Variants in COL4A2 observed in about 807,000 individuals in gnomAD.
COL4A2 encodes the protein collagen alpha-2(IV) chain.
A neutral mutation model predicts 200.2 loss-of-function variants in COL4A2; 99 were observed. That is an observed-to-expected ratio of 0.49 (90% CI 0.42 to 0.58). The LOEUF (loss-of-function observed/expected upper bound fraction) is 0.58, where lower values mean the gene tolerates loss of function less well. COL4A2 is among the 20% of genes least tolerant of loss of function. The probability of loss-of-function intolerance (pLI) is 0.00; values close to 1 mark genes in which losing one functional copy is unlikely to be tolerated. For missense variants in COL4A2, 1,950 were observed against 2,314.1 expected (o/e 0.84, Z 3.23); for synonymous variants, 897 against 900.6 (o/e 1.00, Z 0.07).
intron 3 of COL4A2, among the ~76,000 whole-genome samples, chr13:110,335,202 G>A (rs371875516): frequency 3.9e-5 from 6 of 152,154 alleles, no homozygotes; most frequent in Admixed American, 1.3e-4. Flanking sequence ...GCCTGCAACC[G>A]TGTCTCCAAC....
intron 3 of COL4A2, among the ~76,000 whole-genome samples, chr13:110,310,176 G>T (rs906748700): frequency 6.6e-6 from 1 of 152,164 alleles, no homozygotes; most frequent in South Asian, 2.1e-4. Context: ...CTCACCCCCA[G>T]TCTCTTTGAC....
At chr13:110,378,852 A>G (rs1878349361) in intron 4 of COL4A2, among the ~76,000 whole-genome samples, 1 of 152,074 alleles carries the variant, frequency 6.6e-6, no homozygotes, top group African/African-American at 2.4e-5. Context: ...CCTTCTCCAC[A>G]ATGTGATCAT....
intron 3 of COL4A2, among the ~76,000 whole-genome samples, chr13:110,354,986 C>T (rs183037197): frequency 5.6e-4 from 86 of 152,350 alleles, no homozygotes; most frequent in Admixed American, 2.7e-3. Flanking sequence ...CCCGCTATCA[C>T]AAAACAACTT....
At chr13:110,370,070 C>T (rs1020627451) in intron 4 of COL4A2, among the ~76,000 whole-genome samples, 9 of 152,078 alleles carry the variant, frequency 5.9e-5, no homozygotes, top group African/African-American at 1.9e-4. Context: ...GCCTGATCAA[C>T]GTGGAGTGAA....
intron 4 of COL4A2, among the ~76,000 whole-genome samples, chr13:110,398,219 T>C (rs530576275): frequency 6.6e-6 from 1 of 152,190 alleles, no homozygotes; most frequent in Admixed American, 6.5e-5. Flanking sequence ...AGATAAGGTG[T>C]GAAATGTATT....
chr13:110,430,868 C>T lies in COL4A2; in HGVS notation c.648+261C>T, dbSNP rs1032654759. On this transcript the variant is annotated intron_variant, in intron 10 of 47. Transcript: ENST00000360467. ...TTTTGACTTGGTTCCGGCAGGGTGC[C>T]CTTCCATCCCCACCCCATACCTACC... 4.4e-6 allele frequency: 3 copies of T among 676,212 alleles called. No homozygotes were observed. In the African/African-American group the frequency reaches 5.3e-5, roughly 12 times the overall value. 41.9% of individuals were successfully genotyped at this position (676,212 alleles called of 1,614,324 possible).
At chr13:110,415,520 C>A (rs749246632) in intron 4 of COL4A2, among the ~76,000 whole-genome samples, 5 of 152,212 alleles carry the variant, frequency 3.3e-5, no homozygotes, top group Admixed American at 6.5e-5. Context: ...ATGCCCACTG[C>A]CCCACTTTTG....
intron 3 of COL4A2, among the ~76,000 whole-genome samples, chr13:110,348,394 TGCTG>T (rs1876808176): frequency 6.6e-6 from 1 of 152,228 alleles, no homozygotes; most frequent in Non-Finnish European, 1.5e-5. Context: ...GAAGGATTTG[TGCTG>T]GGTGGTACAA....
chr13:110,489,310 T>A, intron 34 of COL4A2, 135 bp from the exon 35 acceptor site: 1 of 838,010 alleles, frequency 1.2e-6, no homozygotes, highest in Non-Finnish European at 1.9e-6. Context: ...AAAACACGAG[T>A]TTTCCACAAA....
intron 28 of COL4A2, among the ~76,000 whole-genome samples, chr13:110,469,885 T>C (rs551915943): frequency 3.3e-5 from 5 of 149,370 alleles, no homozygotes; most frequent in African/African-American, 1.2e-4. Flanking sequence ...GGCACTGCCT[T>C]GATTGCAGGG....
chr13:110,506,744 C>T, intron 46 of COL4A2, 138 bp downstream of exon 46: 2 of 928,610 alleles, frequency 2.2e-6, no homozygotes, highest in Admixed American at 3.2e-5. Context: ...CTACATTCCT[C>T]GAGTGCAGAA....
Position 110,484,916 on chromosome 13 carries a change from G to A in COL4A2, c.2914G>A (p.Asp972Asn). Residue 972 changes from aspartate to asparagine, a missense_variant, in exon 33 of 48, where the codon GAC (aspartate) becomes AAC (asparagine). This residue lies in a region of COL4A2 where 1,385 missense variants were observed against 1,720.5 expected (regional missense o/e 0.80). Transcript: ENST00000360467. ...CTATTCCCTTCCAGGCAGCCGAGGG[G>A]ACCCTGGGCCCCCAGGACCACCTCC... ...GEPGFKGSRG[D>N]PGPPGPPPVI... is the part of the protein sequence containing the mutation. 6.2e-7 allele frequency: 1 copy of A among 1,611,210 alleles called. No homozygotes were observed. Among genetic ancestry groups the A allele is most frequent in the Non-Finnish European group, 8.5e-7 (1 of 1,178,260 alleles).
intron 4 of COL4A2, among the ~76,000 whole-genome samples, chr13:110,396,634 A>G (rs776187551): frequency 6.6e-5 from 10 of 152,154 alleles, no homozygotes; most frequent in Non-Finnish European, 1.5e-4. Flanking sequence ...GCCCTCCTTT[A>G]ACATTGCTAA....
intron 22 of COL4A2, among the ~76,000 whole-genome samples, chr13:110,460,551 T>C (rs1379408732): frequency 3.9e-5 from 6 of 152,170 alleles, no homozygotes; most frequent in Non-Finnish European, 8.8e-5. Context: ...CCCCATTCTG[T>C]GCCCCTGAAA....
chr13:110,418,843 C>T (rs1303534874), intron 4 of COL4A2, among the ~76,000 whole-genome samples: 3 of 152,138 alleles, frequency 2.0e-5, no homozygotes, highest in Non-Finnish European at 4.4e-5. Flanking sequence ...TTATTGTTAC[C>T]TTGGAACATG....
At chr13:110,418,905 C>T (rs1880142522) in intron 4 of COL4A2, among the ~76,000 whole-genome samples, 1 of 152,224 alleles carries the variant, frequency 6.6e-6, no homozygotes, top group Non-Finnish European at 1.5e-5. Flanking sequence ...GAAATGCTAA[C>T]TGACCATCCT....
At chr13:110,348,795 T>C (rs1876823935) in intron 3 of COL4A2, among the ~76,000 whole-genome samples, 1 of 152,236 alleles carries the variant, frequency 6.6e-6, no homozygotes, top group Admixed American at 6.5e-5. Flanking sequence ...TTGGGTTAGA[T>C]GCTAGGCACA....
In COL4A2 at chr13:110,465,542, C is replaced by T. The variant is rs779939063; in HGVS notation, c.1914C>T (p.Ala638=). The change falls in exon 25 of 48, where the codon GCC becomes GCT. Residue 638 remains alanine (A), a synonymous_variant. Transcript: ENST00000360467. ...LKGQRGFPGD[A]GLPGPPGFLG... ...GCCAACGTGGTTTCCCTGGAGACGC[C>T]GGCTTACCTGGACCACCAGGCTTCC... The T allele has an allele frequency of 8.3e-5, 134 of 1,613,858 alleles. No individual in the cohort carries two copies. The East Asian group carries it at 2.5e-3, about 30-fold the overall frequency.
At chr13:110,450,202 A>T (rs976346339) in intron 19 of COL4A2, 103 bp from the exon 20 acceptor site, 1 of 970,764 alleles carries the variant, frequency 1.0e-6, no homozygotes, top group East Asian at 2.4e-5. Flanking sequence ...TGACGGGGCC[A>T]TGAAGCCCGC....
Sources: allele counts gnomAD v4.1 joint callset (sites outside exome capture counted in the v4.1 genomes callset), GRCh38; gene constraint gnomAD v4.1.1; regional missense constraint gnomAD v4.1.1; transcripts MANE v1.5; gene names NCBI Gene and HGNC (gene_info 2026-07-23, HGNC 2026-07-21).